CSF1R: variants seen among roughly 807,000 people sequenced by gnomAD.
CSF1R encodes the protein macrophage colony-stimulating factor 1 receptor.
A neutral mutation model predicts 110.0 loss-of-function variants in CSF1R; 40 were observed. The ratio of observed to expected loss-of-function variants is 0.36; its 90% confidence interval spans 0.28 to 0.47. The LOEUF is 0.47. Ranked by LOEUF, CSF1R falls within the 20% of genes least tolerant of loss-of-function variation. The pLI is 0.99. For missense variants in CSF1R, 1,052 were observed against 1,253.0 expected (o/e 0.84, Z 2.42); for synonymous variants, 523 against 503.4 (o/e 1.04, Z -0.52).
chr5:150,060,993 C>G (rs747291586), intron 12 of CSF1R, 21 bp from the exon 13 acceptor site: 39 of 1,546,332 alleles, frequency 2.5e-5, no homozygotes. Context: ...GAACCACAGT[C>G]CCAAAGACAG....
intron 3 of CSF1R, among the ~76,000 whole-genome samples, chr5:150,078,890 G>C (rs1758403000): frequency 6.6e-6 from 1 of 152,074 alleles, no homozygotes; most frequent in Non-Finnish European, 1.5e-5. Context: ...AGCCTCCCCA[G>C]CACCTCCATG....
intron 1 of CSF1R, among the ~76,000 whole-genome samples, chr5:150,084,345 A>AAGAAAGAAAGAAAGAG (rs1758703942): frequency 3.5e-5 from 1 of 28,934 alleles, no homozygotes; most frequent in South Asian, 1.3e-3. Flanking sequence ...AGATAGAAAA[A>AAGAAAGAAAGAAAGAG]AGAAAGAAAG....
At chr5:150,110,341 T>G (rs1409347040) in intron 1 of CSF1R, among the ~76,000 whole-genome samples, 3 of 152,246 alleles carry the variant, frequency 2.0e-5, no homozygotes, top group African/African-American at 7.2e-5. Context: ...CTCTCGCCAT[T>G]GTTCCATCTG....
chr5:150,057,583 G>A lies in CSF1R; in HGVS notation c.2142C>T (p.Gly714=), dbSNP rs1224700961. The stretch of plus-strand genomic sequence containing the variant: ...AGGTGTCCACACCCTGGCTGGAGAA[G>A]CCACTGTCCCTACATAGGAGAGAGG... ...LEKKYVRRDS[G]FSSQGVDTYV... is the part of the protein sequence containing the mutation. Residue 714 remains glycine, a synonymous_variant, in exon 15 of 21, where the codon GGC becomes GGT. Transcript: ENST00000675795. The A allele has an allele frequency of 1.9e-6, 3 of 1,614,018 alleles. No homozygotes were observed. The East Asian group carries it at 6.7e-5, about 36-fold the overall frequency.
intron 9 of CSF1R, 23 bp from the exon 10 acceptor site, chr5:150,068,353 G>T: frequency 6.3e-7 from 1 of 1,593,826 alleles, no homozygotes; most frequent in Non-Finnish European, 8.6e-7. Flanking sequence ...AAGCAAAGCA[G>T]TGAGCAGGCA....
In CSF1R at chr5:150,053,605, TGAG is replaced by T. The variant is rs1757029031; in HGVS notation, c.*461_*463del. 3.8e-6 allele frequency: 1 copy of T among 266,528 alleles called. No individual in the cohort carries two copies. The highest frequency in any genetic ancestry group is 4.8e-5 in the Admixed American group (1 of 20,742). 16.5% of individuals were successfully genotyped at this position (266,528 alleles called of 1,614,324 possible). A position where few individuals can be genotyped will look rare whatever the true frequency, so the allele number is the denominator to read the frequency against. On this transcript the variant is annotated 3_prime_UTR_variant, in exon 21 of 21. Coordinates refer to ENST00000675795, the MANE Select transcript of CSF1R (RefSeq NM_001288705.3). ...AGGAGCCATCCTGCTCCAAGGGGCC[TGAG>T]CTGAGTGTGGTCTGTGAGCATCTGC...
chr5:150,057,218 C>T (rs995514578), intron 16 of CSF1R, 69 bp downstream of exon 16: 44 of 1,367,336 alleles, frequency 3.2e-5, no homozygotes, highest in Middle Eastern at 2.5e-4. Context: ...TCCTCCCCAT[C>T]GTCACTCATC....
intron 2 of CSF1R, 84 bp from the exon 3 acceptor site, chr5:150,080,420 C>G: frequency 1.3e-6 from 2 of 1,508,588 alleles, no homozygotes; most frequent in Non-Finnish European, 1.8e-6. Flanking sequence ...CAAGGAAGCT[C>G]AGAGAGGCTG....
chr5:150,084,784 T>A (rs1581331201), intron 1 of CSF1R, among the ~76,000 whole-genome samples: 1 of 151,938 alleles, frequency 6.6e-6, no homozygotes, highest in African/African-American at 2.4e-5. Flanking sequence ...AAAATAAAAT[T>A]AAATTGAGAC....
intron 2 of CSF1R, among the ~76,000 whole-genome samples, 174 bp from the exon 3 acceptor site, chr5:150,080,510 GGGC>G (rs1295447249): frequency 1.3e-5 from 2 of 152,204 alleles, no homozygotes; most frequent in African/African-American, 2.4e-5. Flanking sequence ...AGGCGCACCT[GGGC>G]TCCAGTCTAG....
Position 150,054,434 on chromosome 5 carries a change from G to A in CSF1R, c.2655-4C>T. On this transcript the variant is annotated splice_region_variant and splice_polypyrimidine_tract_variant and intron_variant, in intron 19 of 20. Coordinates refer to ENST00000675795, the MANE Select transcript of CSF1R (RefSeq NM_001288705.3). ...GCAGGCCTGCATGATGCTGTATCTGGGAGATAGGACAGAGGATGCCCATGG... is the reference window on the plus strand; with the variant it reads ...GCAGGCCTGCATGATGCTGTATCTGAGAGATAGGACAGAGGATGCCCATGG... 6.2e-7 allele frequency: 1 copy of A among 1,609,568 alleles called. No homozygotes were observed. The highest frequency in any genetic ancestry group is 8.5e-7 in the Non-Finnish European group (1 of 1,177,560).
chr5:150,093,265 G>T (rs1239338834), intron 1 of CSF1R, among the ~76,000 whole-genome samples: 1 of 152,124 alleles, frequency 6.6e-6, no homozygotes, highest in Non-Finnish European at 1.5e-5. Context: ...TTTTAGTAGA[G>T]ACAGGGTTTC....
At chr5:150,099,060 A>ATTTTT (rs58025190) in intron 1 of CSF1R, among the ~76,000 whole-genome samples, 1 of 126,772 alleles carries the variant, frequency 7.9e-6, no homozygotes, top group Non-Finnish European at 1.6e-5. Flanking sequence ...CACCCAGCTA[A>ATTTTT]TTTTTTTTTT....
chr5:150,060,993 C>T (rs747291586), intron 12 of CSF1R, 21 bp from the exon 13 acceptor site: 3 of 1,546,450 alleles, frequency 1.9e-6, no homozygotes, highest in Non-Finnish European at 2.6e-6. Flanking sequence ...GAACCACAGT[C>T]CCAAAGACAG....
chr5:150,058,481 G>A (rs1017997337), intron 14 of CSF1R, among the ~76,000 whole-genome samples: 10 of 152,188 alleles, frequency 6.6e-5, no homozygotes, highest in East Asian at 1.9e-4. Flanking sequence ...CTATGCTTCC[G>A]TTAACAGCCT....
At chr5:150,068,712 T>C (rs568954931) in intron 9 of CSF1R, among the ~76,000 whole-genome samples, 1 of 152,278 alleles carries the variant, frequency 6.6e-6, no homozygotes, top group Admixed American at 6.5e-5. Flanking sequence ...CAGAAAGGCC[T>C]TCTGGAGGTC....
chr5:150,111,826 A>G (rs1759727436), intron 1 of CSF1R, among the ~76,000 whole-genome samples: 1 of 152,210 alleles, frequency 6.6e-6, no homozygotes, highest in African/African-American at 2.4e-5. Flanking sequence ...GAGCTCCCCA[A>G]TTCATTATGC....
chr5:150,099,906 T>A (rs1389997221), intron 1 of CSF1R, among the ~76,000 whole-genome samples: 6 of 151,696 alleles, frequency 4.0e-5, no homozygotes, highest in African/African-American at 1.2e-4. Context: ...GGGAAAAAAA[T>A]GTAAAGGGCC....
At position 150,054,370 on chromosome 5, in the gene CSF1R, C is replaced by T. The variant is rs1354353413; in HGVS notation, c.2715G>A (p.Gln905=). The change falls in exon 20 of 21, where the codon CAG becomes CAA. Residue 905 remains glutamine, a synonymous_variant. Transcript: ENST00000675795. ...LEPTHRPTFQ[Q]ICSFLQEQAQ... ...CCTGCTCCTGAAGGAAGGAGCAGAT[C>T]TGCTGGAAGGTGGGTCTGTGGGTGG... 6.2e-7 allele frequency: 1 copy of T among 1,613,978 alleles called. No individual in the cohort carries two copies. Among genetic ancestry groups the T allele is most frequent in the East Asian group, 2.2e-5 (1 of 44,888 alleles).
Sources: allele counts gnomAD v4.1 joint callset (sites outside exome capture counted in the v4.1 genomes callset), GRCh38; gene constraint gnomAD v4.1.1; transcripts MANE v1.5; gene names NCBI Gene and HGNC (gene_info 2026-07-23, HGNC 2026-07-21).